TANC2: variants seen among roughly 807,000 people sequenced by gnomAD.
TANC2 encodes tetratricopeptide repeat, ankyrin repeat and coiled-coil containing 2.
In TANC2, 26 loss-of-function variants were observed where a neutral mutation model predicts 210.5. The ratio of observed to expected loss-of-function variants is 0.12; its 90% confidence interval spans 0.09 to 0.17. TANC2 has a LOEUF of 0.17. TANC2 is among the 10% of genes least tolerant of loss of function. The pLI is 1.00. For missense variants in TANC2, 2,129 were observed against 2,608.9 expected (o/e 0.82, Z 4.01); for synonymous variants, 931 against 967.1 (o/e 0.96, Z 0.69).
At chr17:63,220,778 A>ATGTATGTGTATATATGTATATATACG (rs2042160908) in intron 7 of TANC2, among the ~76,000 whole-genome samples, 5 of 148,054 alleles carry the variant, frequency 3.4e-5, no homozygotes, top group Admixed American at 6.8e-5. Flanking sequence ...GTATATATAC[A>ATGTATGTGTATATATGTATATATACG]TGTATGTGTA....
At chr17:63,344,757 T>C (rs992188508) in intron 12 of TANC2, among the ~76,000 whole-genome samples, 10 of 152,350 alleles carry the variant, frequency 6.6e-5, no homozygotes, top group African/African-American at 2.4e-4. Flanking sequence ...TACAAATTCT[T>C]TGACATTACT....
At chr17:63,063,575 T>TGTGTGTAG (rs142486219) in intron 2 of TANC2, among the ~76,000 whole-genome samples, 4,857 of 132,476 alleles carry the variant, frequency 0.037, 182 homozygotes, top group African/African-American at 0.044. Context: ...TGTGTGTGTG[T>TGTGTGTAG]AGATATATCT....
At chr17:63,003,075 C>A (rs1209605198) in intron 1 of TANC2, among the ~76,000 whole-genome samples, 1 of 152,036 alleles carries the variant, frequency 6.6e-6, no homozygotes, top group Non-Finnish European at 1.5e-5. Context: ...ATTTTATACT[C>A]CTAAAATAGT....
At chr17:62,972,671 T>C (rs2031769473) in intron 1 of TANC2, among the ~76,000 whole-genome samples, 1 of 152,210 alleles carries the variant, frequency 6.6e-6, no homozygotes, top group Admixed American at 6.5e-5. Flanking sequence ...CATCACTGAA[T>C]GGATAAAGTG....
Position 63,365,542 on chromosome 17 carries a change from A to C in TANC2, c.2582+10152A>C, listed in dbSNP as rs138798188. 8.8e-3 allele frequency among the ~76,000 whole-genome samples: 1,348 copies of C among 152,332 alleles called. 27 individuals are homozygous for C. The highest frequency in any genetic ancestry group is 0.03 in the African/African-American group (1,268 of 41,582). ...TGTAACCTCTTCCTGAAAATCCTCC[A>C]GTGGCTTTCTATGATTAGAGTAAAA... On this transcript the variant is annotated intron_variant, in intron 14 of 27. Coordinates refer to ENST00000689528, the Ensembl canonical transcript of TANC2.
chr17:63,325,272 C>T (rs943222375), intron 11 of TANC2, among the ~76,000 whole-genome samples: 1 of 152,166 alleles, frequency 6.6e-6, no homozygotes, highest in African/African-American at 2.4e-5. Flanking sequence ...CTATCTTCCA[C>T]CATTCCCCAC....
At chr17:63,222,581 C>T (rs1435595127) in intron 7 of TANC2, among the ~76,000 whole-genome samples, 2 of 151,498 alleles carry the variant, frequency 1.3e-5, no homozygotes, top group Non-Finnish European at 2.9e-5. Context: ...TAGGATTGAC[C>T]GCAAAATGTT....
At position 63,351,344 on chromosome 17, in the gene TANC2, G is replaced by A. The variant is rs376981394; in HGVS notation, c.1902G>A (p.Ser634=). 1.4e-5 allele frequency: 23 copies of A among 1,610,596 alleles called. No individual in the cohort carries two copies. Among genetic ancestry groups the A allele is most frequent in the East Asian group, 9.0e-5 (4 of 44,634 alleles). ...CGGATTATGGGGATACAATTGTATCGTTTCTGAGTAAAATGATCGGAAAGT... is the reference window on the plus strand; with the variant it reads ...CGGATTATGGGGATACAATTGTATCATTTCTGAGTAAAATGATCGGAAAGT... The change falls in exon 13 of 28, where the codon TCG becomes TCA. Residue 634 remains serine (S), a synonymous_variant. Transcript: ENST00000689528.
At chr17:63,241,998 A>G (rs1044861715) in intron 8 of TANC2, among the ~76,000 whole-genome samples, 1 of 152,218 alleles carries the variant, frequency 6.6e-6, no homozygotes, top group Admixed American at 6.5e-5. Flanking sequence ...AGTGCCTAAT[A>G]GTAAATTGGT....
chr17:63,294,141 A>C (rs2044465469), intron 9 of TANC2, among the ~76,000 whole-genome samples: 1 of 152,208 alleles, frequency 6.6e-6, no homozygotes, highest in Non-Finnish European at 1.5e-5. Flanking sequence ...CATTGAAGAG[A>C]TAGACACAGT....
intron 14 of TANC2, among the ~76,000 whole-genome samples, chr17:63,370,627 A>T (rs931450817): frequency 4.6e-5 from 7 of 152,192 alleles, no homozygotes; most frequent in Non-Finnish European, 1.0e-4. Flanking sequence ...CACAATAGAA[A>T]TTTATTTTTC....
chr17:63,187,094 T>C (rs779314864), intron 5 of TANC2, among the ~76,000 whole-genome samples: 5 of 152,156 alleles, frequency 3.3e-5, no homozygotes, highest in Non-Finnish European at 7.3e-5. Context: ...GGTCAAATAA[T>C]TGATATGATG....
At chr17:63,087,693 G>A (rs1306730192) in intron 3 of TANC2, among the ~76,000 whole-genome samples, 4 of 152,184 alleles carry the variant, frequency 2.6e-5, no homozygotes, top group African/African-American at 9.6e-5. Context: ...ACAAAAGATT[G>A]GGGCCCCTCT....
intron 4 of TANC2, among the ~76,000 whole-genome samples, chr17:63,131,198 CCA>C (rs2038904673): frequency 6.6e-6 from 1 of 152,160 alleles, no homozygotes; most frequent in Non-Finnish European, 1.5e-5. Flanking sequence ...TGATTCTCCA[CCA>C]CAGTTTTTAA....
intron 9 of TANC2, among the ~76,000 whole-genome samples, chr17:63,302,198 T>A (rs1213167726): frequency 6.6e-6 from 1 of 152,230 alleles, no homozygotes; most frequent in Non-Finnish European, 1.5e-5. Context: ...TACTTCCAAT[T>A]ATGTGGCTGA....
At chr17:63,203,373 A>G (rs1339304619) in intron 7 of TANC2, among the ~76,000 whole-genome samples, 2 of 152,210 alleles carry the variant, frequency 1.3e-5, no homozygotes, top group Non-Finnish European at 2.9e-5. Context: ...TAGAAATGTT[A>G]ATATACTCGG....
intron 9 of TANC2, among the ~76,000 whole-genome samples, chr17:63,311,749 T>C (rs1419068763): frequency 2.6e-5 from 4 of 152,170 alleles, no homozygotes; most frequent in Admixed American, 2.0e-4. Flanking sequence ...TATTAACTGA[T>C]AAACAAAATA....
intron 8 of TANC2, among the ~76,000 whole-genome samples, chr17:63,253,164 C>G (rs1266139528): frequency 6.6e-6 from 1 of 152,142 alleles, no homozygotes; most frequent in South Asian, 2.1e-4. Context: ...TTGATAATAT[C>G]TCGCTGAAGT....
chr17:63,380,191 A>AT (rs1215038385), intron 15 of TANC2, among the ~76,000 whole-genome samples: 1 of 152,170 alleles, frequency 6.6e-6, no homozygotes, highest in Non-Finnish European at 1.5e-5. Flanking sequence ...TACTCTTTCC[A>AT]TTTTTTAAAA....
Sources: allele counts gnomAD v4.1 joint callset (sites outside exome capture counted in the v4.1 genomes callset), GRCh38; gene constraint gnomAD v4.1.1; transcripts MANE v1.5; gene names NCBI Gene and HGNC (gene_info 2026-07-23, HGNC 2026-07-21).